Variants in TRPM3 observed in about 807,000 individuals in gnomAD.
The protein encoded by TRPM3 is long transient receptor potential channel 3.
TRPM3 carries 77 observed loss-of-function variants against 181.2 expected under a neutral mutation model. That is an observed-to-expected ratio of 0.42 (90% confidence interval 0.35 to 0.51). TRPM3 has a LOEUF of 0.51. TRPM3 is among the 20% of genes least tolerant of loss of function. The pLI is 0.01. For missense variants in TRPM3, 1,759 were observed against 2,196.7 expected (o/e 0.80, Z 3.98); for synonymous variants, 745 against 796.4 (o/e 0.94, Z 1.09).
chr9:70,775,404 T>C (rs1253168407), intron 7 of TRPM3: 1 of 152,136 alleles, frequency 6.6e-6, no homozygotes, highest in Non-Finnish European at 1.5e-5. Flanking sequence ...TGGAGAACAG[T>C]GGGGAGGACA....
At chr9:71,067,386 T>C (rs1034186255) in intron 1 of TRPM3, among the ~76,000 whole-genome samples, 1 of 152,180 alleles carries the variant, frequency 6.6e-6, no homozygotes, top group Non-Finnish European at 1.5e-5. Flanking sequence ...GAAAAACATA[T>C]GAGTGGTGTT....
At chr9:71,019,960 G>T (rs533790723) in intron 1 of TRPM3, among the ~76,000 whole-genome samples, 1 of 152,126 alleles carries the variant, frequency 6.6e-6, no homozygotes, top group African/African-American at 2.4e-5. Flanking sequence ...TTAAAGAAAT[G>T]GAACCAAATT....
intron 6 of TRPM3, among the ~76,000 whole-genome samples, chr9:70,810,274 T>C (rs7850725): frequency 0.15 from 19,898 of 135,782 alleles, 2,173 homozygotes; most frequent in African/African-American, 0.28. Context: ...CTCCTCTCCA[T>C]CACCCTGTCC....
chr9:71,347,700 A>G (rs2132645063), intron 1 of TRPM3, among the ~76,000 whole-genome samples: 1 of 152,258 alleles, frequency 6.6e-6, no homozygotes, highest in East Asian at 1.9e-4. Flanking sequence ...GCTTGAGGCC[A>G]GGTGTTTGAG....
chr9:70,783,847 G>T (rs959605001), intron 7 of TRPM3: 1 of 1,149,044 alleles, frequency 8.7e-7, no homozygotes, highest in Non-Finnish European at 1.1e-6. Flanking sequence ...GGAGACCACA[G>T]CCTATGACCT....
In TRPM3 at chr9:71,060,028, T is replaced by C. The variant is rs80343046; in HGVS notation, c.177+61150A>G. Among the ~76,000 whole-genome samples the C allele has an allele frequency of 4.9e-3, 751 of 152,212 alleles. 18 individuals are homozygous for C. The East Asian group carries it at 0.078, about 16-fold the overall frequency. On this transcript the variant is annotated intron_variant, in intron 1 of 25. Transcript: ENST00000677713. Reference sequence around the variant, plus strand: ...GGGTTTGACCTGAGAGCTGTATACATACATTTGAAGGTCTGAAATGTAGAA... The same window carrying C: ...GGGTTTGACCTGAGAGCTGTATACACACATTTGAAGGTCTGAAATGTAGAA...
chr9:71,268,361 C>G (rs2083535336), intron 1 of TRPM3, among the ~76,000 whole-genome samples: 1 of 151,996 alleles, frequency 6.6e-6, no homozygotes, highest in African/African-American at 2.4e-5. Context: ...GCCTAGGTGA[C>G]AGAGCAAGAC....
intron 1 of TRPM3, among the ~76,000 whole-genome samples, chr9:71,076,787 C>T (rs2063520958): frequency 6.6e-6 from 1 of 152,146 alleles, no homozygotes; most frequent in Admixed American, 6.6e-5. Flanking sequence ...TGAATTGTAT[C>T]TGTGGCTGGA....
At chr9:70,591,976 C>G (rs2058192472) in intron 21 of TRPM3, among the ~76,000 whole-genome samples, 1 of 152,200 alleles carries the variant, frequency 6.6e-6, no homozygotes, top group Non-Finnish European at 1.5e-5. Flanking sequence ...TTCATCTTGA[C>G]AGGTTTATAA....
chr9:71,076,760 G>A (rs1045016059), intron 1 of TRPM3, among the ~76,000 whole-genome samples: 5 of 152,060 alleles, frequency 3.3e-5, no homozygotes, highest in Admixed American at 6.6e-5. Flanking sequence ...CAATGCTCAC[G>A]GCCCATCTTG....
chr9:71,330,315 AG>A (rs1364234632), intron 1 of TRPM3, among the ~76,000 whole-genome samples: 2 of 152,024 alleles, frequency 1.3e-5, no homozygotes, highest in Admixed American at 1.3e-4. Context: ...GGAACCAAAA[AG>A]TTTTCAGTTC....
intron 3 of TRPM3, among the ~76,000 whole-genome samples, chr9:70,857,718 C>T (rs2095422974): frequency 6.6e-6 from 1 of 152,138 alleles, no homozygotes; most frequent in Admixed American, 6.5e-5. Flanking sequence ...AATAATTTAA[C>T]TTCTCTAGGC....
chr9:70,795,448 T>C (rs1452590049), intron 6 of TRPM3, among the ~76,000 whole-genome samples: 5 of 152,342 alleles, frequency 3.3e-5, no homozygotes, highest in Admixed American at 3.3e-4. Flanking sequence ...ATTTTACACA[T>C]TTAAACTGAA....
intron 12 of TRPM3, among the ~76,000 whole-genome samples, chr9:70,630,782 A>C (rs1266004213): frequency 1.3e-5 from 2 of 152,202 alleles, no homozygotes; most frequent in Non-Finnish European, 2.9e-5. Flanking sequence ...TTCTATGAGT[A>C]GGTACGATTT....
Position 71,351,875 on chromosome 9 carries a change from T to G in TRPM3, c.183+94778A>C, listed in dbSNP as rs2091650842. Among the ~76,000 whole-genome samples the G allele has an allele frequency of 3.0e-5, 3 of 99,432 alleles. 1 individual carries two copies. The South Asian group carries it at 1.3e-3, about 42-fold the overall frequency. The allele number at this position is 99,432 out of a possible 152,430, so 65.2% of individuals were successfully genotyped here. A position where few individuals can be genotyped will look rare whatever the true frequency, so the allele number is the denominator to read the frequency against. The stretch of plus-strand genomic sequence containing the variant: ...AAGTTTTTGTTTGTTTGTTTGTTTT[T>G]GTTTTTTTTTTTTTTTTTGAGACTG... On this transcript the variant is annotated intron_variant, in intron 1 of 24. Transcript: ENST00000357533.
chr9:71,098,581 C>T (rs1488969652), intron 1 of TRPM3, among the ~76,000 whole-genome samples: 1 of 152,120 alleles, frequency 6.6e-6, no homozygotes, highest in East Asian at 1.9e-4. Context: ...TGTGGTCTTG[C>T]AAAATCACTT....
rs770156052 is a variant in TRPM3 at position 70,615,897 on chromosome 9, T to C, written c.2526+11A>G. The C allele has an allele frequency of 1.3e-5, 21 of 1,594,126 alleles. No homozygotes were observed. The highest frequency in any genetic ancestry group is 6.0e-6 in the Non-Finnish European group (7 of 1,174,202). On this transcript the variant is annotated intron_variant, in intron 18 of 25. Coordinates refer to ENST00000677713, the MANE Select transcript of TRPM3 (RefSeq NM_001366145.2). ...CTGCCCATAGAGAATAACTGTGCAATGTTTTCTTACTGTGAGCTCCATGTC... is the reference window on the plus strand; with the variant it reads ...CTGCCCATAGAGAATAACTGTGCAACGTTTTCTTACTGTGAGCTCCATGTC...
chr9:70,568,343 C>T lies in TRPM3; in HGVS notation c.3224-15033G>A, dbSNP rs540464036. Among the ~76,000 whole-genome samples the T allele has an allele frequency of 1.6e-4, 24 of 152,278 alleles. 1 individual carries two copies. Among genetic ancestry groups the T allele is most frequent in the African/African-American group, 5.3e-4 (22 of 41,554 alleles). On this transcript the variant is annotated intron_variant, in intron 22 of 25. Transcript: ENST00000677713. ...TGGTTACAACCATCCTAGAGATGCA[C>T]ACATCAAATTCTATGCCAAGCGCTT...
intron 4 of TRPM3, among the ~76,000 whole-genome samples, chr9:70,844,007 A>C (rs1376519979): frequency 1.3e-5 from 2 of 152,174 alleles, no homozygotes; most frequent in African/African-American, 2.4e-5. Flanking sequence ...AACATATTGC[A>C]GTTTGTCAAT....
Sources: allele counts gnomAD v4.1 joint callset (sites outside exome capture counted in the v4.1 genomes callset), GRCh38; gene constraint gnomAD v4.1.1; transcripts MANE v1.5; gene names NCBI Gene and HGNC (gene_info 2026-07-23, HGNC 2026-07-21).